The following ATRNL1 variants were observed in gnomAD, a reference collection of about 807,000 sequenced individuals.
ATRNL1 encodes the protein attractin like 1, also known as attractin-like protein 1.
Under a neutral mutation model 182.7 loss-of-function variants are expected in ATRNL1, and 95 were observed. That is an observed-to-expected ratio of 0.52 (90% CI 0.44 to 0.62). The LOEUF (loss-of-function observed/expected upper bound fraction) is 0.62. ATRNL1 is among the 20% of genes least tolerant of loss of function. The pLI is 0.00. For missense variants in ATRNL1, 1,471 were observed against 1,679.5 expected, an observed-to-expected ratio of 0.88 and a Z score of 2.17; for synonymous variants, 576 against 568.3, an observed-to-expected ratio of 1.01 and a Z score of -0.19.
intron 24 of ATRNL1, among the ~76,000 whole-genome samples, chr10:115,485,648 CCAA>C (rs1273560739): frequency 1.3e-5 from 2 of 151,850 alleles, no homozygotes; most frequent in Admixed American, 1.3e-4. Flanking sequence ...CCTCAATCAC[CCAA>C]CGTCTTTATT....
chr10:115,531,597 T>C (rs1243262395), intron 25 of ATRNL1, among the ~76,000 whole-genome samples: 21 of 150,640 alleles, frequency 1.4e-4, no homozygotes, highest in Admixed American at 1.2e-3. Context: ...ACTCTGATGG[T>C]AGTTTCTTTT....
intron 25 of ATRNL1, among the ~76,000 whole-genome samples, chr10:115,531,377 A>G (rs1851571109): frequency 6.6e-6 from 1 of 152,080 alleles, no homozygotes; most frequent in African/African-American, 2.4e-5. Flanking sequence ...TCTGATGGCC[A>G]GTGATGGTGA....
chr10:115,274,904 G>A (rs1852036745), intron 13 of ATRNL1, among the ~76,000 whole-genome samples: 1 of 152,292 alleles, frequency 6.6e-6, no homozygotes, highest in Non-Finnish European at 1.5e-5. Flanking sequence ...ACTCGGTTAA[G>A]CTTATGATAA....
intron 8 of ATRNL1, among the ~76,000 whole-genome samples, chr10:115,198,927 C>T (rs1848454881): frequency 1.3e-5 from 2 of 152,062 alleles, no homozygotes; most frequent in Admixed American, 1.3e-4. Context: ...ATTTTGCAAT[C>T]AACTAATGGG....
chr10:115,865,005 C>G (rs1337566569), intron 28 of ATRNL1, among the ~76,000 whole-genome samples: 3 of 150,670 alleles, frequency 2.0e-5, no homozygotes, highest in Non-Finnish European at 4.4e-5. Context: ...AAGAAAAGAC[C>G]AGACAAATCC....
intron 1 of ATRNL1, among the ~76,000 whole-genome samples, chr10:115,097,839 G>A (rs1264778): frequency 0.66 from 100,841 of 151,974 alleles, 34,331 homozygotes; most frequent in Non-Finnish European, 0.74. Flanking sequence ...CAGGAGAATC[G>A]CTTGAACCCA....
intron 26 of ATRNL1, among the ~76,000 whole-genome samples, chr10:115,626,892 C>T (rs1858140324): frequency 6.6e-6 from 1 of 152,124 alleles, no homozygotes; most frequent in African/African-American, 2.4e-5. Context: ...TGATTAGCCT[C>T]TTGAATATCC....
At chr10:115,830,011 T>C (rs1950524271) in intron 27 of ATRNL1, among the ~76,000 whole-genome samples, 2 of 152,350 alleles carry the variant, frequency 1.3e-5, no homozygotes, top group Middle Eastern at 3.4e-3. Flanking sequence ...TTAGCTACTA[T>C]TACCTCATCA....
intron 26 of ATRNL1, among the ~76,000 whole-genome samples, chr10:115,711,012 A>G (rs1422541523): frequency 6.6e-6 from 1 of 152,122 alleles, no homozygotes; most frequent in East Asian, 1.9e-4. Context: ...TGACAGAAAA[A>G]TGGACACTGG....
At chr10:115,671,250 A>T (rs1488412737) in intron 26 of ATRNL1, among the ~76,000 whole-genome samples, 1 of 152,116 alleles carries the variant, frequency 6.6e-6, no homozygotes, top group Non-Finnish European at 1.5e-5. Context: ...TTTTTCTAAG[A>T]ACTGTTAATA....
chr10:115,823,808 C>T (rs1296387808), intron 27 of ATRNL1, among the ~76,000 whole-genome samples: 1 of 152,160 alleles, frequency 6.6e-6, no homozygotes, highest in Non-Finnish European at 1.5e-5. Flanking sequence ...ACATTCCATG[C>T]TCATGGATAG....
chr10:115,389,487 C>T (rs1316044347), intron 19 of ATRNL1, among the ~76,000 whole-genome samples: 3 of 99,174 alleles, frequency 3.0e-5, no homozygotes, highest in Admixed American at 1.0e-4. Flanking sequence ...CACTTCAGCC[C>T]GAGACTCCGT....
intron 6 of ATRNL1, 61 bp from the exon 7 acceptor site, chr10:115,165,497 A>G: frequency 1.0e-6 from 1 of 964,552 alleles, no homozygotes; most frequent in Admixed American, 2.5e-5. Context: ...AAAGCACGTG[A>G]AAATTAAAAA....
At chr10:115,739,276 A>T (rs1948071069) in intron 27 of ATRNL1, among the ~76,000 whole-genome samples, 1 of 152,212 alleles carries the variant, frequency 6.6e-6, no homozygotes. Context: ...AGCTGAATCA[A>T]TCTAGCATAA....
chr10:115,409,444 G>A (rs1592612822), intron 20 of ATRNL1, among the ~76,000 whole-genome samples: 2 of 152,210 alleles, frequency 1.3e-5, no homozygotes, highest in Middle Eastern at 6.8e-3. Flanking sequence ...TCATTCAGCA[G>A]TTCTATTAAA....
intron 27 of ATRNL1, among the ~76,000 whole-genome samples, chr10:115,833,432 G>A (rs2134317383): frequency 6.6e-6 from 1 of 152,162 alleles, no homozygotes; most frequent in South Asian, 2.1e-4. Context: ...GTCACACCAG[G>A]GCCACATATA....
At chr10:115,319,942 A>T (rs559477308) in intron 18 of ATRNL1, among the ~76,000 whole-genome samples, 2 of 151,152 alleles carry the variant, frequency 1.3e-5, no homozygotes, top group South Asian at 4.2e-4. Context: ...TCATGATGCT[A>T]TCTGGTTATT....
intron 21 of ATRNL1, among the ~76,000 whole-genome samples, chr10:115,431,362 T>G (rs1226490768): frequency 1.3e-5 from 2 of 150,028 alleles, no homozygotes; most frequent in African/African-American, 2.5e-5. Context: ...GAACTGAGAT[T>G]GTGCCATTGC....
chr10:115,149,001 G>T (rs1420316215), intron 5 of ATRNL1, among the ~76,000 whole-genome samples: 5 of 152,094 alleles, frequency 3.3e-5, no homozygotes, highest in African/African-American at 1.2e-4. Flanking sequence ...CTCCCAAAGT[G>T]CTGGGATTAG....
Sources: gnomAD v4.1 joint callset for allele counts (sites outside exome capture counted in the v4.1 genomes callset) on GRCh38, gnomAD v4.1.1 for gene constraint, MANE v1.5 for transcripts, NCBI Gene and HGNC (gene_info 2026-07-23, HGNC 2026-07-21) for gene names.